The following SKI variants were observed in gnomAD, a reference collection of about 807,000 sequenced individuals.
SKI encodes the protein SKI proto-oncogene.
SKI carries 23 observed loss-of-function variants against 59.3 expected under a neutral mutation model. The observed-to-expected ratio is 0.39, with a 90% confidence interval of 0.28 to 0.55. The LOEUF is 0.55. Ranked by LOEUF, SKI falls within the 20% of genes least tolerant of loss-of-function variation. The probability of loss-of-function intolerance (pLI) is 0.67; values close to 1 mark genes in which losing one functional copy is unlikely to be tolerated. For missense variants in SKI, 1,017 were observed against 1,038.9 expected (o/e 0.98, Z 0.29); for synonymous variants, 673 against 488.6 (o/e 1.38, Z -4.98).
At chr1:2,243,502 G>C (rs1372519066) in intron 1 of SKI, among the ~76,000 whole-genome samples, 1 of 152,262 alleles carries the variant, frequency 6.6e-6, no homozygotes, top group Non-Finnish European at 1.5e-5. Flanking sequence ...CACTGTGTCA[G>C]TGTCACCGTG....
chr1:2,242,098 G>A (rs1477050061), intron 1 of SKI, among the ~76,000 whole-genome samples: 1 of 152,228 alleles, frequency 6.6e-6, no homozygotes, highest in African/African-American at 2.4e-5. Context: ...GAGCGGAGCT[G>A]GTTGGAGGAG....
At position 2,245,788 on chromosome 1, in the gene SKI, C is replaced by CTTTTTTTTTTT. The variant is rs766445644; in HGVS notation, c.969+16069_969+16079dup. Among the ~76,000 whole-genome samples the CTTTTTTTTTTT allele has an allele frequency of 9.9e-5, 7 of 70,380 alleles. 1 individual carries two copies. The highest frequency in any genetic ancestry group is 4.1e-4 in the African/African-American group (7 of 17,126). The allele number at this position is 70,380 out of a possible 152,430, so 46.2% of individuals were successfully genotyped here. On this transcript the variant is annotated intron_variant, in intron 1 of 6. Coordinates refer to ENST00000378536, the MANE Select transcript of SKI (RefSeq NM_003036.4). ...ACTGCACCTGGCCCTATTTTTCCTT[C>CTTTTTTTTTTT]TTTTTTTTTTTTTTTTTTTTTTTTT...
At chr1:2,274,410 G>T (rs545557900) in intron 1 of SKI, among the ~76,000 whole-genome samples, 1 of 152,096 alleles carries the variant, frequency 6.6e-6, no homozygotes. Context: ...GCTGTGCTGC[G>T]TGGGGTGCAG....
At chr1:2,275,123 G>C (rs1639712750) in intron 1 of SKI, among the ~76,000 whole-genome samples, 1 of 152,216 alleles carries the variant, frequency 6.6e-6, no homozygotes, top group South Asian at 2.1e-4. Flanking sequence ...AAGGGCTACT[G>C]CCCCCATGAG....
chr1:2,275,125 C>T (rs911112119), intron 1 of SKI, among the ~76,000 whole-genome samples: 3 of 152,238 alleles, frequency 2.0e-5, no homozygotes, highest in Admixed American at 2.0e-4. Flanking sequence ...GGGCTACTGC[C>T]CCCATGAGAG....
chr1:2,288,738 G>A (rs1194938500), intron 1 of SKI, among the ~76,000 whole-genome samples: 2 of 152,218 alleles, frequency 1.3e-5, no homozygotes, highest in Non-Finnish European at 2.9e-5. Flanking sequence ...GAGGTGGGCT[G>A]TTGTTGGCCT....
At chr1:2,254,904 C>T (rs1417670284) in intron 1 of SKI, among the ~76,000 whole-genome samples, 2 of 152,174 alleles carry the variant, frequency 1.3e-5, no homozygotes, top group African/African-American at 4.8e-5. Context: ...CACTTCTTTC[C>T]TCCAAATGCC....
intron 1 of SKI, among the ~76,000 whole-genome samples, chr1:2,266,206 C>T (rs1391646109): frequency 1.3e-5 from 2 of 152,140 alleles, no homozygotes; most frequent in African/African-American, 2.4e-5. Flanking sequence ...GAGACAGGCT[C>T]TCTGCCTAGC....
At chr1:2,262,015 C>G (rs568343999) in intron 1 of SKI, among the ~76,000 whole-genome samples, 1 of 118,386 alleles carries the variant, frequency 8.4e-6, no homozygotes. Context: ...TGGGAGTGGA[C>G]GCCCTCGCTC....
Position 2,228,745 on chromosome 1 carries a change from G to T in SKI, c.-22G>T. 8.9e-7 allele frequency: 1 copy of T among 1,122,558 alleles called. No individual in the cohort carries two copies. Among genetic ancestry groups the T allele is most frequent in the Non-Finnish European group, 1.1e-6 (1 of 914,674 alleles). The allele number at this position is 1,122,558 out of a possible 1,614,324, so 69.5% of individuals were successfully genotyped here. A position where few individuals can be genotyped will look rare whatever the true frequency, so the allele number is the denominator to read the frequency against. On this transcript the variant is annotated 5_prime_UTR_variant, in exon 1 of 7. Transcript: ENST00000378536. ...GCCCGGGCGCGCGGGAGCGGGAGCG[G>T]CCGGGGGAGCCGGAGCGCACCATGG...
Position 2,282,395 on chromosome 1 carries a change from T to C in SKI, c.970-20583T>C, listed in dbSNP as rs1421168082. ...AGAGGACGCCCGAGAAGACAGGCGG[T>C]GGCGGAGATCTTCAGAGAGAGGATG... On this transcript the variant is annotated intron_variant, in intron 1 of 6. Coordinates refer to ENST00000378536, the MANE Select transcript of SKI (RefSeq NM_003036.4). Among the ~76,000 whole-genome samples, 17 of 42,748 alleles carry C rather than the reference T, an allele frequency of 4.0e-4. 1 individual carries two copies. Among genetic ancestry groups the C allele is most frequent in the Non-Finnish European group, 6.8e-4 (14 of 20,712 alleles). 28.0% of individuals were successfully genotyped at this position (42,748 alleles called of 152,430 possible). A position where few individuals can be genotyped will look rare whatever the true frequency, so the allele number is the denominator to read the frequency against.
At chr1:2,241,983 C>G (rs555659451) in intron 1 of SKI, among the ~76,000 whole-genome samples, 6 of 151,968 alleles carry the variant, frequency 3.9e-5, no homozygotes, top group African/African-American at 1.4e-4. Context: ...CTGTGTGTGC[C>G]TGTGTGTACG....
intron 1 of SKI, among the ~76,000 whole-genome samples, chr1:2,279,588 GGGGAGAGCAGAGT>G (rs1356254661): frequency 6.6e-6 from 1 of 152,144 alleles, no homozygotes; most frequent in Non-Finnish European, 1.5e-5. Flanking sequence ...GGAGGGGGGA[GGGGAGAGCAGAGT>G]GGGTGAGACG....
At chr1:2,275,923 C>A (rs1042448419) in intron 1 of SKI, among the ~76,000 whole-genome samples, 9 of 152,074 alleles carry the variant, frequency 5.9e-5, no homozygotes, top group Non-Finnish European at 1.0e-4. Context: ...CTGGTCACTG[C>A]CCACCCTCCC....
At chr1:2,240,048 G>C (rs1001241017) in intron 1 of SKI, among the ~76,000 whole-genome samples, 4 of 152,228 alleles carry the variant, frequency 2.6e-5, no homozygotes, top group Non-Finnish European at 4.4e-5. Context: ...TGTTTCAATG[G>C]ACTGTAGATG....
intron 1 of SKI, among the ~76,000 whole-genome samples, chr1:2,237,674 T>G (rs1282078968): frequency 6.6e-6 from 1 of 152,244 alleles, no homozygotes; most frequent in Non-Finnish European, 1.5e-5. Context: ...TTGCTTTTAC[T>G]ATGGAGCAGA....
chr1:2,229,897 G>A lies in SKI; in HGVS notation c.969+162G>A, dbSNP rs569389335. Among the ~76,000 whole-genome samples the A allele has an allele frequency of 9.2e-5, 14 of 152,346 alleles. No homozygotes were observed. In the South Asian group the frequency reaches 2.3e-3, roughly 25 times the overall value. On this transcript the variant is annotated intron_variant, in intron 1 of 6. Coordinates refer to ENST00000378536, the MANE Select transcript of SKI (RefSeq NM_003036.4). The surrounding 1 kb of genome is among the most constrained non-coding windows in gnomAD (Gnocchi z 6.3). ...AGGGAAATTCAGAGTGTTCCGACTG[G>A]CAGGGCCAGAGAGTTTGGTAGGAAG...
At chr1:2,233,525 G>A (rs1638689102) in intron 1 of SKI, among the ~76,000 whole-genome samples, 1 of 152,156 alleles carries the variant, frequency 6.6e-6, no homozygotes. Context: ...GTCTCAGTGG[G>A]CTGTGGGTTG....
At chr1:2,304,234 C>G (rs1213434030) in intron 4 of SKI, 59 bp from the exon 5 acceptor site, 1 of 1,553,158 alleles carries the variant, frequency 6.4e-7, no homozygotes, top group Non-Finnish European at 8.7e-7. Flanking sequence ...GCGCGTCTCC[C>G]TGGTGTGGAG....
Sources: allele counts gnomAD v4.1 joint callset (sites outside exome capture counted in the v4.1 genomes callset), GRCh38; gene constraint gnomAD v4.1.1; non-coding constraint Gnocchi (gnomAD v3.1); transcripts MANE v1.5; gene names NCBI Gene and HGNC (gene_info 2026-07-23, HGNC 2026-07-21).